The following ATP5ME variants were observed in gnomAD, a reference collection of about 807,000 sequenced individuals.
The protein encoded by ATP5ME is ATP synthase F(0) complex subunit e, mitochondrial.
ATP5ME carries 10 observed loss-of-function variants against 11.6 expected under a neutral mutation model. That is an observed-to-expected ratio of 0.86 (90% CI 0.53 to 1.46). The LOEUF (loss-of-function observed/expected upper bound fraction) is 1.46. ATP5ME is among the 40% of genes most tolerant of loss of function. The pLI is 0.00. For missense variants in ATP5ME, 115 were observed against 85.4 expected (o/e 1.35, Z -1.37); for synonymous variants, 45 against 33.5 (o/e 1.34, Z -1.19).
chr4:672,605 T>G (rs878988696), intron 3 of ATP5ME, 86 bp from the exon 4 acceptor site: 2 of 1,486,284 alleles, frequency 1.3e-6, no homozygotes, highest in Non-Finnish European at 1.8e-6. Context: ...TATTTTTTTT[T>G]TTTTTTTTTT....
rs1738652953 is a variant in ATP5ME at position 673,976 on chromosome 4, A to C, written c.37-10T>G. The C allele has an allele frequency of 6.5e-7, 1 of 1,542,992 alleles. No individual in the cohort carries two copies. On this transcript the variant is annotated splice_polypyrimidine_tract_variant and intron_variant, in intron 1 of 3. Coordinates refer to ENST00000304312, the MANE Select transcript of ATP5ME (RefSeq NM_007100.4). ...CGGAGTAGCGGCCGAGCTGCGAAAGAGGTTGGTCAGAGGCGGCGCGAAACG... is the reference window on the plus strand; with the variant it reads ...CGGAGTAGCGGCCGAGCTGCGAAAGCGGTTGGTCAGAGGCGGCGCGAAACG...
chr4:673,510 C>G, intron 2 of ATP5ME, 109 bp from the exon 3 acceptor site: 2 of 1,556,972 alleles, frequency 1.3e-6, no homozygotes, highest in Admixed American at 3.7e-5. Context: ...GACGCACCTG[C>G]TGTTCCCGCT....
chr4:673,175 G>A (rs1244605181), intron 3 of ATP5ME, 128 bp downstream of exon 3: 3 of 1,453,664 alleles, frequency 2.1e-6, no homozygotes, highest in South Asian at 1.3e-5. Flanking sequence ...GAGCCACCAC[G>A]CCTGGCCAGC....
At position 672,448 on chromosome 4, in the gene ATP5ME, C is replaced by T; in HGVS notation, c.*52G>A. 1 of 1,612,200 alleles carries T rather than the reference C, an allele frequency of 6.2e-7. No individual in the cohort carries two copies. Among genetic ancestry groups the T allele is most frequent in the South Asian group, 1.1e-5 (1 of 90,864 alleles). ...TGAGGAGCCGGAGTATCACACAACA[C>T]AGGAAGCTTTATTCATCCGCTGCTG... On this transcript the variant is annotated 3_prime_UTR_variant, in exon 4 of 4. Coordinates refer to ENST00000304312, the MANE Select transcript of ATP5ME (RefSeq NM_007100.4).
chr4:673,534 C>T, intron 2 of ATP5ME, 133 bp from the exon 3 acceptor site: 1 of 1,462,332 alleles, frequency 6.8e-7, no homozygotes, highest in South Asian at 1.3e-5. Context: ...TATGTTAATG[C>T]GAGTCAACGC....
intron 1 of ATP5ME, 56 bp downstream of exon 1, chr4:674,156 G>A: frequency 1.3e-6 from 2 of 1,584,870 alleles, no homozygotes; most frequent in Non-Finnish European, 1.7e-6. Flanking sequence ...CGGAGCTGCG[G>A]GGCGGGACAC....
chr4:673,598 A>G, intron 2 of ATP5ME, 197 bp from the exon 3 acceptor site: 1 of 951,386 alleles, frequency 1.1e-6, no homozygotes, highest in Non-Finnish European at 1.5e-6. Flanking sequence ...CCTGCTGCCC[A>G]CCCGCTCACG....
Position 673,218 on chromosome 4 carries a change from G to A in ATP5ME, c.190+85C>T, listed in dbSNP as rs190943693. The A allele has an allele frequency of 1.9e-5, 31 of 1,601,150 alleles. No homozygotes were observed. The African/African-American group carries it at 3.7e-4, about 19-fold the overall frequency. ...TTTTTAAACAATCCGCATCTACTTA[G>A]CTCTGCTTAAATGTCCTCCTCCATT... is the stretch of plus-strand genomic sequence containing the variant. On this transcript the variant is annotated intron_variant, in intron 3 of 3. Coordinates refer to ENST00000304312, the MANE Select transcript of ATP5ME (RefSeq NM_007100.4).
rs1577322088 is a variant in ATP5ME, at chr4:674,239, T to G, written c.9A>C (p.Pro3=). The G allele has an allele frequency of 6.2e-7, 1 of 1,611,802 alleles. No individual in the cohort carries two copies. Among genetic ancestry groups the G allele is most frequent in the Non-Finnish European group, 8.5e-7 (1 of 1,179,314 alleles). ...TGATGAGCGGAGAGACCTGCACCGG[T>G]GGCACCATCTTGTCCCTGACCTCCG... The part of the protein sequence containing the change: MV[P]PVQVSPLIKL... Residue 3 remains proline, a synonymous_variant, in exon 1 of 4, where the codon CCA becomes CCC. Coordinates refer to ENST00000304312, the MANE Select transcript of ATP5ME (RefSeq NM_007100.4).
rs1358232699 is a variant in ATP5ME at position 673,290 on chromosome 4, G to C, written c.190+13C>G. 3.7e-6 allele frequency: 6 copies of C among 1,614,068 alleles called. No individual in the cohort carries two copies. The South Asian group carries it at 5.5e-5, about 15-fold the overall frequency. ...TGGGAGGGACAATCTATAAGAGCCA[G>C]TGTCACTCGTACCTTCTGCCAATTC... On this transcript the variant is annotated intron_variant, in intron 3 of 3. Transcript: ENST00000304312.
chr4:673,411 G>C lies in ATP5ME; in HGVS notation c.92-10C>G, dbSNP rs373609558. Reference sequence around the variant, plus strand: ...CGAGGTTTTAGGTAATCTGTTTGGCGGAATGCAGGAGAATAAAATTCACTG... The same window carrying C: ...CGAGGTTTTAGGTAATCTGTTTGGCCGAATGCAGGAGAATAAAATTCACTG... On this transcript the variant is annotated splice_polypyrimidine_tract_variant and intron_variant, in intron 2 of 3. Transcript: ENST00000304312. 1.9e-5 allele frequency: 31 copies of C among 1,613,946 alleles called. No homozygotes were observed. Among genetic ancestry groups the C allele is most frequent in the Middle Eastern group, 1.6e-4 (1 of 6,084 alleles).
chr4:673,533 G>A (rs548148271), intron 2 of ATP5ME, 132 bp from the exon 3 acceptor site: 285 of 1,463,658 alleles, frequency 1.9e-4, no homozygotes, highest in Non-Finnish European at 2.5e-4. Flanking sequence ...TTATGTTAAT[G>A]CGAGTCAACG....
In ATP5ME at chr4:673,967, C is replaced by G. The variant is rs1738652558; in HGVS notation, c.37-1G>C. 2.6e-6 allele frequency: 4 copies of G among 1,544,982 alleles called. No homozygotes were observed. The highest frequency in any genetic ancestry group is 3.5e-6 in the Non-Finnish European group (4 of 1,146,772). ...GGAACAGGGCGGAGTAGCGGCCGAG[C>G]TGCGAAAGAGGTTGGTCAGAGGCGG... On this transcript the variant is annotated splice_acceptor_variant, in intron 1 of 3. Coordinates refer to ENST00000304312, the MANE Select transcript of ATP5ME (RefSeq NM_007100.4). LOFTEE classifies it high-confidence loss of function.
chr4:672,967 C>T (rs548853302), intron 3 of ATP5ME, among the ~76,000 whole-genome samples: 1 of 152,304 alleles, frequency 6.6e-6, no homozygotes, highest in African/African-American at 2.4e-5. Context: ...AGGCTGGTCT[C>T]GAACTCCAGA....
In ATP5ME at chr4:672,833, C is replaced by T. The variant is rs564709250; in HGVS notation, c.191-314G>A. Reference sequence around the variant, plus strand: ...CGTGATCTCAGCTCACTGCAACCTCCGCCTCCCGGGTTCAAGCAATTCTCA... The same window carrying T: ...CGTGATCTCAGCTCACTGCAACCTCTGCCTCCCGGGTTCAAGCAATTCTCA... On this transcript the variant is annotated intron_variant, in intron 3 of 3. Coordinates refer to ENST00000304312, the MANE Select transcript of ATP5ME (RefSeq NM_007100.4). Among the ~76,000 whole-genome samples, 221 of 152,252 alleles carry T rather than the reference C, an allele frequency of 1.5e-3. 1 individual carries two copies. Among genetic ancestry groups the T allele is most frequent in the Admixed American group, 2.1e-3 (32 of 15,294 alleles).
chr4:673,821 C>T, intron 2 of ATP5ME, 91 bp downstream of exon 2: 1 of 1,486,184 alleles, frequency 6.7e-7, no homozygotes, highest in Non-Finnish European at 9.1e-7. Context: ...CGTCCCAAGC[C>T]CCCTTCCAGA....
At chr4:673,482 C>T in intron 2 of ATP5ME, 81 bp from the exon 3 acceptor site, 1 of 1,604,336 alleles carries the variant, frequency 6.2e-7, no homozygotes, top group Non-Finnish European at 8.5e-7. Context: ...AAGGTATCTT[C>T]AGCGACGCTG....
Position 672,607 on chromosome 4 carries a change from T to G in ATP5ME, c.191-88A>C, listed in dbSNP as rs878863863. ...TCAGCTTCCCAGTTATTTTTTTTTTTTTTTTTTTTGTTTTGAGACGGAGTC... is the reference window on the plus strand; with the variant it reads ...TCAGCTTCCCAGTTATTTTTTTTTTGTTTTTTTTTGTTTTGAGACGGAGTC... On this transcript the variant is annotated intron_variant, in intron 3 of 3. Transcript: ENST00000304312. The G allele has an allele frequency of 1.7e-4, 255 of 1,495,244 alleles. 1 individual carries two copies. The highest frequency in any genetic ancestry group is 1.6e-3 in the East Asian group (71 of 43,268). The allele number at this position is 1,495,244 out of a possible 1,614,324, so 92.6% of individuals were successfully genotyped here. A position where few individuals can be genotyped will look rare whatever the true frequency, so the allele number is the denominator to read the frequency against.
In ATP5ME at chr4:673,415, T is replaced by C. The variant is rs1047586669; in HGVS notation, c.92-14A>G. The stretch of plus-strand genomic sequence containing the variant: ...GTTTTAGGTAATCTGTTTGGCGGAA[T>C]GCAGGAGAATAAAATTCACTGGAAA... On this transcript the variant is annotated splice_polypyrimidine_tract_variant and intron_variant, in intron 2 of 3. Coordinates refer to ENST00000304312, the MANE Select transcript of ATP5ME (RefSeq NM_007100.4). The C allele has an allele frequency of 3.1e-6, 5 of 1,614,102 alleles. No homozygotes were observed. The Admixed American group carries it at 8.3e-5, about 27-fold the overall frequency.
Sources: allele counts gnomAD v4.1 joint callset (sites outside exome capture counted in the v4.1 genomes callset), GRCh38; gene constraint gnomAD v4.1.1; transcripts MANE v1.5; gene names NCBI Gene and HGNC (gene_info 2026-07-23, HGNC 2026-07-21).